The following SGCD variants were observed in gnomAD, a reference collection of about 807,000 sequenced individuals.
SGCD encodes delta-sarcoglycan.
In SGCD, 18 loss-of-function variants were observed where a neutral mutation model predicts 36.6. The ratio of observed to expected loss-of-function variants is 0.49; its 90% confidence interval spans 0.34 to 0.73. The LOEUF is 0.73. Ranked by LOEUF, SGCD falls within the 30% of genes least tolerant of loss-of-function variation. The pLI, the probability that SGCD is intolerant of heterozygous loss-of-function variation, is 0.01. For synonymous variants in SGCD, 133 were observed against 130.6 expected (o/e 1.02, Z -0.12); for missense variants, 387 against 346.7 (o/e 1.12, Z -0.92).
rs10529406 is a variant in SGCD, at chr5:156,406,018, T to TAAA, written c.192+61355_192+61357dup. Among the ~76,000 whole-genome samples the TAAA allele has an allele frequency of 3.9e-3, 401 of 103,974 alleles. 28 individuals carry two copies. The highest frequency in any genetic ancestry group is 0.013 in the African/African-American group (329 of 24,462). 68.2% of individuals were successfully genotyped at this position (103,974 alleles called of 152,430 possible). A position where few individuals can be genotyped will look rare whatever the true frequency, so the allele number is the denominator to read the frequency against. On this transcript the variant is annotated intron_variant, in intron 3 of 8. Transcript: ENST00000337851. Reference sequence around the variant, plus strand: ...TGCTGTATTTGGCCCTATCTTTGCTTAAAAAAAAAAAAAAAAGGCCTCTGG... The same window carrying TAAA: ...TGCTGTATTTGGCCCTATCTTTGCTTAAAAAAAAAAAAAAAAAAAGGCCTCTGG...
chr5:156,289,397 C>T (rs1300111052), intron 3 of SGCD, among the ~76,000 whole-genome samples: 1 of 151,732 alleles, frequency 6.6e-6, no homozygotes, highest in Non-Finnish European at 1.5e-5. Context: ...CTGCCCCTAC[C>T]AACCCATCAC....
chr5:156,546,091 G>A (rs533883751), intron 4 of SGCD, among the ~76,000 whole-genome samples: 1 of 152,244 alleles, frequency 6.6e-6, no homozygotes, highest in East Asian at 1.9e-4. Context: ...CCCCTTGGAT[G>A]TTAATATGAC....
At chr5:156,621,478 A>G (rs995277641) in intron 6 of SGCD, among the ~76,000 whole-genome samples, 9 of 152,152 alleles carry the variant, frequency 5.9e-5, no homozygotes, top group Non-Finnish European at 1.2e-4. Context: ...GGCGTGAGCT[A>G]CCATGTCCAG....
intron 1 of SGCD, among the ~76,000 whole-genome samples, chr5:155,889,054 T>C (rs1406980280): frequency 6.6e-6 from 1 of 152,240 alleles, no homozygotes; most frequent in African/African-American, 2.4e-5. Flanking sequence ...TGTACATCAA[T>C]TCAAATGGTG....
chr5:156,080,150 G>C (rs779734531), intron 1 of SGCD, among the ~76,000 whole-genome samples: 1 of 152,232 alleles, frequency 6.6e-6, no homozygotes, highest in Non-Finnish European at 1.5e-5. Context: ...AGTTGCCTGA[G>C]TTGTATCTCA....
Position 155,943,107 on chromosome 5 carries a change from G to A in SGCD, c.-282+72683G>A, listed in dbSNP as rs191702951. 2.0e-3 allele frequency among the ~76,000 whole-genome samples: 302 copies of A among 152,280 alleles called. 1 individual carries two copies. The highest frequency in any genetic ancestry group is 6.8e-3 in the African/African-American group (283 of 41,558). ...ATTCCCTAAGTAGATTTTCCATAGAGGTTAGGAGCTCAGATGCCATAGTAT... is the reference window on the plus strand; with the variant it reads ...ATTCCCTAAGTAGATTTTCCATAGAAGTTAGGAGCTCAGATGCCATAGTAT... On this transcript the variant is annotated intron_variant, in intron 1 of 9. Transcript: ENST00000517913.
chr5:155,955,946 G>A (rs1017258625), intron 1 of SGCD, among the ~76,000 whole-genome samples: 7 of 152,260 alleles, frequency 4.6e-5, no homozygotes, highest in Admixed American at 2.6e-4. Flanking sequence ...TAAATGTAAA[G>A]TGTGTAAGAT....
intron 3 of SGCD, among the ~76,000 whole-genome samples, chr5:156,433,267 GA>G (rs1167260740): frequency 6.6e-6 from 1 of 152,154 alleles, no homozygotes; most frequent in Non-Finnish European, 1.5e-5. Context: ...TCCAGATGTT[GA>G]ATTTCTGAAA....
the SGCD span, among the ~76,000 whole-genome samples, chr5:155,781,507 G>A: frequency 6.6e-6 from 1 of 152,098 alleles, no homozygotes; most frequent in African/African-American, 2.4e-5. Flanking sequence ...TGTCACTGTG[G>A]CTGGTGTGCA....
chr5:156,638,852 G>A (rs1377498877), intron 6 of SGCD, among the ~76,000 whole-genome samples: 1 of 151,992 alleles, frequency 6.6e-6, no homozygotes, highest in Non-Finnish European at 1.5e-5. Context: ...TTGCCCTGCA[G>A]TTTCAAATTC....
intron 4 of SGCD, among the ~76,000 whole-genome samples, chr5:156,540,652 C>T (rs894391771): frequency 2.6e-5 from 4 of 152,124 alleles, no homozygotes; most frequent in African/African-American, 4.8e-5. Flanking sequence ...ATTCTTATTT[C>T]GCATAGTTTG....
chr5:155,840,387 G>A, the SGCD span, among the ~76,000 whole-genome samples: 5 of 149,618 alleles, frequency 3.3e-5, no homozygotes, highest in South Asian at 8.5e-4. Context: ...GGGACTACAG[G>A]TGCCTGCCAC....
chr5:155,913,206 T>C (rs1323856980), intron 1 of SGCD, among the ~76,000 whole-genome samples: 1 of 152,122 alleles, frequency 6.6e-6, no homozygotes, highest in Non-Finnish European at 1.5e-5. Context: ...GGAGATGAGA[T>C]GGGTACAGAC....
chr5:156,623,126 A>G, intron 6 of SGCD, among the ~76,000 whole-genome samples: 1 of 152,306 alleles, frequency 6.6e-6, no homozygotes, highest in Middle Eastern at 3.4e-3. Flanking sequence ...ATACACATGT[A>G]CATTAGATAA....
intron 3 of SGCD, among the ~76,000 whole-genome samples, chr5:156,202,187 G>A (rs1453849741): frequency 1.6e-4 from 24 of 152,098 alleles, no homozygotes; most frequent in Admixed American, 1.6e-3. Flanking sequence ...ATTGATTGTG[G>A]CCCCACTCAC....
intron 4 of SGCD, among the ~76,000 whole-genome samples, chr5:156,514,574 C>G (rs1417214050): frequency 6.6e-6 from 1 of 152,096 alleles, no homozygotes; most frequent in African/African-American, 2.4e-5. Context: ...AATATTTTAT[C>G]CCGTAAAAAA....
At chr5:155,791,304 A>G in the SGCD span, among the ~76,000 whole-genome samples, 1 of 152,100 alleles carries the variant, frequency 6.6e-6, no homozygotes, top group Admixed American at 6.6e-5. Context: ...AGGAACTTCA[A>G]AATACAGCCT....
At chr5:156,582,077 T>C in intron 4 of SGCD, among the ~76,000 whole-genome samples, 1 of 152,166 alleles carries the variant, frequency 6.6e-6, no homozygotes, top group Non-Finnish European at 1.5e-5. Flanking sequence ...GCTCAATTTT[T>C]TTTTAATTTA....
At chr5:156,279,660 G>A (rs1373384146) in intron 3 of SGCD, among the ~76,000 whole-genome samples, 3 of 152,118 alleles carry the variant, frequency 2.0e-5, no homozygotes, top group Admixed American at 6.6e-5. Flanking sequence ...AAGAGTAGAA[G>A]TATCCTCGAG....
Sources: allele counts gnomAD v4.1 joint callset (sites outside exome capture counted in the v4.1 genomes callset), GRCh38; gene constraint gnomAD v4.1.1; transcripts MANE v1.5; gene names NCBI Gene and HGNC (gene_info 2026-07-23, HGNC 2026-07-21).